COL27A1: variants seen among roughly 807,000 people sequenced by gnomAD.
The protein encoded by COL27A1 is collagen alpha-1(XXVII) chain.
Under a neutral mutation model 251.3 loss-of-function variants are expected in COL27A1, and 106 were observed. The observed-to-expected ratio is 0.42, with a 90% CI of 0.36 to 0.50. The LOEUF (loss-of-function observed/expected upper bound fraction) is 0.50. Ranked by LOEUF, COL27A1 falls within the 20% of genes least tolerant of loss-of-function variation. The pLI is 0.00. For missense variants in COL27A1, 2,325 were observed against 2,522.8 expected (o/e 0.92, Z 1.68); for synonymous variants, 1,000 against 986.3 (o/e 1.01, Z -0.26).
chr9:114,282,545 G>A lies in COL27A1; in HGVS notation c.3860G>A (p.Arg1287Gln), dbSNP rs748351189. ...PPGTPGPKGS[R>Q]GSLGPTGAPG... ...GGCACTCCAGGCCCTAAAGGGTCCCGGGGCAGCCTGGGACCAACGGTGAGG... is the reference window on the plus strand; with the variant it reads ...GGCACTCCAGGCCCTAAAGGGTCCCAGGGCAGCCTGGGACCAACGGTGAGG... Residue 1287 changes from arginine to glutamine, a missense_variant, in exon 39 of 61, where the codon CGG becomes CAG. Coordinates refer to ENST00000356083, the MANE Select transcript of COL27A1 (RefSeq NM_032888.4). 24 of 1,531,574 alleles carry A rather than the reference G, an allele frequency of 1.6e-5. No individual in the cohort carries two copies. Among genetic ancestry groups the A allele is most frequent in the Middle Eastern group, 1.7e-4 (1 of 5,824 alleles). 94.9% of individuals were successfully genotyped at this position (1,531,574 alleles called of 1,614,324 possible).
chr9:114,177,278 G>A lies in COL27A1; in HGVS notation c.1909-1013G>A, dbSNP rs116583791. On this transcript the variant is annotated intron_variant, in intron 3 of 60. Transcript: ENST00000356083. ...AGTCTGCTCGGCTGCCTCCCTTCCT[G>A]TGTAAAGAGAAAAGAGATGAGGACA... 9.5e-3 allele frequency among the ~76,000 whole-genome samples: 1,449 copies of A among 152,344 alleles called. 23 individuals are homozygous for A. Among genetic ancestry groups the A allele is most frequent in the African/African-American group, 0.033 (1,377 of 41,576 alleles).
chr9:114,281,718 G>A (rs926205956), intron 37 of COL27A1, among the ~76,000 whole-genome samples: 1 of 152,192 alleles, frequency 6.6e-6, no homozygotes, highest in Non-Finnish European at 1.5e-5. Context: ...ATGAGCCAGG[G>A]GTGGTAAGAG....
At chr9:114,254,491 T>C (rs1374343941) in intron 27 of COL27A1, among the ~76,000 whole-genome samples, 2 of 151,580 alleles carry the variant, frequency 1.3e-5, no homozygotes, top group African/African-American at 4.9e-5. Flanking sequence ...AAGCCAGGGG[T>C]CAGGGCTGGG....
intron 29 of COL27A1, 38 bp downstream of exon 29, chr9:114,264,446 G>C (rs368743435): frequency 7.5e-6 from 11 of 1,471,034 alleles, no homozygotes; most frequent in East Asian, 2.5e-5. Flanking sequence ...TCACTCCTCC[G>C]ACACTGGGTC....
At chr9:114,248,039 A>C (rs988841351) in intron 24 of COL27A1, among the ~76,000 whole-genome samples, 1 of 152,160 alleles carries the variant, frequency 6.6e-6, no homozygotes, top group Non-Finnish European at 1.5e-5. Flanking sequence ...CTCATTTTGC[A>C]AATGAGGAAA....
rs372362470 is a variant in COL27A1 at position 114,262,265 on chromosome 9, A to C, written c.3196-2090A>C. Reference sequence around the variant, plus strand: ...GTGACAGTGTCCACGTGAGCCTGAGACTGAGGCCCAGAGAGGAGATGGGGC... The same window carrying C: ...GTGACAGTGTCCACGTGAGCCTGAGCCTGAGGCCCAGAGAGGAGATGGGGC... On this transcript the variant is annotated intron_variant, in intron 28 of 60. Coordinates refer to ENST00000356083, the MANE Select transcript of COL27A1 (RefSeq NM_032888.4). Among the ~76,000 whole-genome samples, 12 of 152,188 alleles carry C rather than the reference A, an allele frequency of 7.9e-5. 1 individual carries two copies. In the East Asian group the frequency reaches 1.9e-3, roughly 24 times the overall value.
At chr9:114,246,538 A>G (rs1313707327) in intron 24 of COL27A1, among the ~76,000 whole-genome samples, 2 of 152,234 alleles carry the variant, frequency 1.3e-5, no homozygotes, top group Non-Finnish European at 2.9e-5. Context: ...CTGAAAGCTT[A>G]ACCTCTTGGC....
chr9:114,271,671 C>G (rs574041275), intron 36 of COL27A1: 1 of 152,436 alleles, frequency 6.6e-6, no homozygotes, highest in Non-Finnish European at 1.5e-5. Context: ...CCCTGGCCTC[C>G]GTCTTGGGCC....
intron 16 of COL27A1, 88 bp from the exon 17 acceptor site, chr9:114,235,511 C>T: frequency 1.0e-6 from 1 of 999,350 alleles, no homozygotes; most frequent in Non-Finnish European, 1.6e-6. Context: ...AGCCTCGGCA[C>T]AGCTGTACCT....
chr9:114,207,030 C>A (rs374558449), intron 10 of COL27A1, among the ~76,000 whole-genome samples: 4 of 152,214 alleles, frequency 2.6e-5, no homozygotes, highest in Admixed American at 1.3e-4. Flanking sequence ...AAACTGGGTT[C>A]ATGGCGGGGC....
intron 40 of COL27A1, 82 bp downstream of exon 40, chr9:114,283,844 C>A (rs1836087358): frequency 7.1e-7 from 1 of 1,407,624 alleles, no homozygotes; most frequent in Non-Finnish European, 1.0e-6. Flanking sequence ...CTCTGCCCCA[C>A]CACCTCCCAG....
chr9:114,169,425 A>G lies in COL27A1; in HGVS notation c.1870A>G (p.Met624Val). 1 of 1,575,448 alleles carries G rather than the reference A, an allele frequency of 6.3e-7. No individual in the cohort carries two copies. The highest frequency in any genetic ancestry group is 8.6e-7 in the Non-Finnish European group (1 of 1,161,854). The stretch of plus-strand genomic sequence containing the variant: ...AGGATCTACGCCTTTCCCTCTGCTG[A>G]TGGGGCCTCCGGGACCCAAGGGAGA... ...LAGSTPFPLL[M>V]GPPGPKGDCG... Residue 624 changes from methionine to valine, a missense_variant, in exon 3 of 61, where the codon ATG becomes GTG. This residue lies in a region of COL27A1 where 1,183 missense variants were observed against 1,144.1 expected (regional missense o/e 1.03). Coordinates refer to ENST00000356083, the MANE Select transcript of COL27A1 (RefSeq NM_032888.4).
chr9:114,306,496 A>G lies in COL27A1; in HGVS notation c.4939-24A>G, dbSNP rs769105465. ...GCTGGACCAGGACCCTAAGGTCCCA[A>G]TGACCACCCTCTCCTCGTGACAGAG... On this transcript the variant is annotated intron_variant, in intron 57 of 60. Transcript: ENST00000356083. The G allele has an allele frequency of 2.5e-5, 41 of 1,612,682 alleles. 1 individual carries two copies. In the South Asian group the frequency reaches 4.0e-4, roughly 16 times the overall value.
At position 114,235,762 on chromosome 9, in the gene COL27A1, C is replaced by T. The variant is rs191012321; in HGVS notation, c.2619+110C>T. 299 of 792,128 alleles carry T rather than the reference C, an allele frequency of 3.8e-4. 1 individual carries two copies. Among genetic ancestry groups the T allele is most frequent in the East Asian group, 3.3e-3 (136 of 40,670 alleles). 49.1% of individuals were successfully genotyped at this position (792,128 alleles called of 1,614,324 possible). Reference sequence around the variant, plus strand: ...CATGAGCAAGGACCCACCTGTAAGACGGCTGCCCTCGAAATAATCCAGTCT... The same window carrying T: ...CATGAGCAAGGACCCACCTGTAAGATGGCTGCCCTCGAAATAATCCAGTCT... On this transcript the variant is annotated intron_variant, in intron 17 of 60. Coordinates refer to ENST00000356083, the MANE Select transcript of COL27A1 (RefSeq NM_032888.4).
intron 5 of COL27A1, among the ~76,000 whole-genome samples, chr9:114,185,763 C>G (rs964231698): frequency 6.6e-6 from 1 of 152,248 alleles, no homozygotes; most frequent in Non-Finnish European, 1.5e-5. Context: ...GCACCCACTA[C>G]GGGCTGTTGA....
intron 14 of COL27A1, among the ~76,000 whole-genome samples, chr9:114,224,573 G>A (rs1831336983): frequency 6.6e-6 from 1 of 151,976 alleles, no homozygotes; most frequent in Non-Finnish European, 1.5e-5. Flanking sequence ...GGTCCTGAGA[G>A]GAGCAAGAAT....
rs529822592 is a variant in COL27A1 at position 114,222,964 on chromosome 9, T to A, written c.2466+697T>A. Among the ~76,000 whole-genome samples the A allele has an allele frequency of 2.0e-5, 3 of 152,304 alleles. No individual in the cohort carries two copies. In the South Asian group the frequency reaches 6.2e-4, roughly 32 times the overall value. On this transcript the variant is annotated intron_variant, in intron 14 of 60. Coordinates refer to ENST00000356083, the MANE Select transcript of COL27A1 (RefSeq NM_032888.4). ...TAGTGGAAAATATTGTTATAATAAT[T>A]CTTGTTATTACCTCCTGAAATGCCC... is the stretch of plus-strand genomic sequence containing the variant.
At chr9:114,230,289 G>A (rs4979359) in intron 14 of COL27A1, among the ~76,000 whole-genome samples, 2 of 152,136 alleles carry the variant, frequency 1.3e-5, no homozygotes, top group Non-Finnish European at 2.9e-5. Flanking sequence ...GGACGGTGTG[G>A]AGTTTGCAGA....
At position 114,292,041 on chromosome 9, in the gene COL27A1, C is replaced by T. The variant is rs45549242; in HGVS notation, c.4477-62C>T. The stretch of plus-strand genomic sequence containing the variant: ...TTCTGGCTCTCCCAGGCCCCCTCCG[C>T]CTCCTCCTGCCTTAGAACCCCTTCC... On this transcript the variant is annotated intron_variant, in intron 48 of 60. Transcript: ENST00000356083. 3.3e-3 allele frequency: 4,706 copies of T among 1,425,174 alleles called. 99 individuals carry two copies. In the African/African-American group the frequency reaches 0.053, roughly 16 times the overall value. 88.3% of individuals were successfully genotyped at this position (1,425,174 alleles called of 1,614,324 possible). A position where few individuals can be genotyped will look rare whatever the true frequency, so the allele number is the denominator to read the frequency against.
Sources: allele counts gnomAD v4.1 joint callset (sites outside exome capture counted in the v4.1 genomes callset), GRCh38; gene constraint gnomAD v4.1.1; regional missense constraint gnomAD v4.1.1; transcripts MANE v1.5; gene names NCBI Gene and HGNC (gene_info 2026-07-23, HGNC 2026-07-21).